The following PAPPA variants were observed in gnomAD, a reference collection of about 807,000 sequenced individuals.
PAPPA encodes pappalysin-1.
Under a neutral mutation model 164.0 loss-of-function variants are expected in PAPPA, and 60 were observed. That is an observed-to-expected ratio of 0.37 (90% CI 0.30 to 0.45). The LOEUF (loss-of-function observed/expected upper bound fraction) is 0.45. PAPPA is among the 20% of genes least tolerant of loss of function. The probability of loss-of-function intolerance (pLI) is 1.00; values close to 1 mark genes in which losing one functional copy is unlikely to be tolerated. For missense variants in PAPPA, 1,782 were observed against 2,087.3 expected (o/e 0.85, Z 2.85); for synonymous variants, 875 against 814.1 (o/e 1.07, Z -1.27).
chr9:116,235,283 C>T lies in PAPPA; in HGVS notation c.2378C>T (p.Pro793Leu), dbSNP rs201727333. The T allele has an allele frequency of 1.8e-5, 29 of 1,614,148 alleles. No homozygotes were observed. The Admixed American group carries it at 2.8e-4, about 16-fold the overall frequency. Residue 793 changes from proline (P) to leucine (L), a missense_variant, in exon 7 of 22, where the codon CCT becomes CTT. This residue lies in a region of PAPPA where 1,324 missense variants were observed against 1,656.9 expected (regional missense o/e 0.80). Transcript: ENST00000328252. ...LELEFLYPLV[P>L]ESLTIWVTFV... ...CTGGAGTTCCTCTACCCCTTGGTCC[C>T]TGAGTCTCTGACCATTTGGGTGACC...
chr9:116,187,850 C>G lies in PAPPA; in HGVS notation c.1112C>G (p.Thr371Arg). The G allele has an allele frequency of 6.2e-7, 1 of 1,614,200 alleles. No homozygotes were observed. The highest frequency in any genetic ancestry group is 1.1e-5 in the South Asian group (1 of 91,082). Residue 371 changes from threonine to arginine, a missense_variant, in exon 2 of 22, where the codon ACG (threonine) becomes AGG (arginine). Thr to Arg is a moderately conservative substitution (Grantham distance 71). This residue lies in a region of PAPPA where 1,324 missense variants were observed against 1,656.9 expected (regional missense o/e 0.80). Coordinates refer to ENST00000328252, the MANE Select transcript of PAPPA (RefSeq NM_002581.5). This position sits in a 1 kb window ranked among gnomAD's most constrained non-coding sequence, Gnocchi z 4.2. ...GATGATCATAAGAACCCGACGGTGA[C>G]GCGCGAGCAGGTGGACTTCCAGCAC... ...YEDDHKNPTV[T>R]REQVDFQHHQ...
chr9:116,259,138 A>C (rs574096415), intron 7 of PAPPA, among the ~76,000 whole-genome samples: 2 of 151,926 alleles, frequency 1.3e-5, no homozygotes, highest in Non-Finnish European at 2.9e-5. Context: ...CGTCTAAAAA[A>C]TAATAATAGT....
At chr9:116,266,807 G>A (rs1280099593) in intron 8 of PAPPA, among the ~76,000 whole-genome samples, 1 of 152,154 alleles carries the variant, frequency 6.6e-6, no homozygotes, top group Admixed American at 6.5e-5. Flanking sequence ...TCTAGAGGTG[G>A]AAAAGAGACC....
intron 7 of PAPPA, among the ~76,000 whole-genome samples, chr9:116,236,561 C>T (rs1403402697): frequency 6.9e-6 from 1 of 145,784 alleles, no homozygotes; most frequent in Non-Finnish European, 1.5e-5. Flanking sequence ...ACTCCAGCCT[C>T]GGCCACAAGA....
At position 116,398,602 on chromosome 9, in the gene PAPPA, A is replaced by G. The variant is rs977797478; in HGVS notation, c.*1986A>G. 1.7e-6 allele frequency: 2 copies of G among 1,204,398 alleles called. No homozygotes were observed. The highest frequency in any genetic ancestry group is 1.6e-5 in the African/African-American group (1 of 64,284). 74.6% of individuals were successfully genotyped at this position (1,204,398 alleles called of 1,614,324 possible). The stretch of plus-strand genomic sequence containing the variant: ...GACATCTATTGGCCATCTCTGGCCA[A>G]TTACACTAAGAAACATATCAAGGTG... On this transcript the variant is annotated 3_prime_UTR_variant, in exon 22 of 22. Coordinates refer to ENST00000328252, the MANE Select transcript of PAPPA (RefSeq NM_002581.5).
intron 14 of PAPPA, 132 bp from the exon 15 acceptor site, chr9:116,346,893 TA>T: frequency 1.7e-6 from 1 of 601,394 alleles, no homozygotes; most frequent in Non-Finnish European, 2.9e-6. Context: ...AAAAGTGAGC[TA>T]ACGTTAAACA....
chr9:116,280,892 G>A (rs1564208836), intron 9 of PAPPA, among the ~76,000 whole-genome samples: 1 of 152,168 alleles, frequency 6.6e-6, no homozygotes, highest in Non-Finnish European at 1.5e-5. Context: ...TTTACCATCT[G>A]GTCCTTTACT....
chr9:116,181,888 G>T (rs1391455436), intron 1 of PAPPA, among the ~76,000 whole-genome samples: 1 of 152,218 alleles, frequency 6.6e-6, no homozygotes, highest in Admixed American at 6.5e-5. Flanking sequence ...TAATTGTTTA[G>T]GTCCCTACAG....
At chr9:116,205,722 G>T (rs533948748) in intron 2 of PAPPA, among the ~76,000 whole-genome samples, 1 of 152,252 alleles carries the variant, frequency 6.6e-6, no homozygotes, top group African/African-American at 2.4e-5. Flanking sequence ...CTTTCTACAT[G>T]CCAGGCATTA....
intron 7 of PAPPA, among the ~76,000 whole-genome samples, chr9:116,251,337 G>C (rs1844857646): frequency 6.6e-6 from 1 of 152,198 alleles, no homozygotes; most frequent in Admixed American, 6.5e-5. Context: ...CCACTCCTGG[G>C]AAGGGTAAGG....
chr9:116,240,843 C>T (rs1211548657), intron 7 of PAPPA, among the ~76,000 whole-genome samples: 1 of 152,142 alleles, frequency 6.6e-6, no homozygotes, highest in African/African-American at 2.4e-5. Flanking sequence ...TTTGTTTATG[C>T]CTCTGTCTTC....
In PAPPA at chr9:116,396,578, C is replaced by G; in HGVS notation, c.4846C>G (p.His1616Asp). 1 of 780,884 alleles carries G rather than the reference C, an allele frequency of 1.3e-6. No individual in the cohort carries two copies. Among genetic ancestry groups the G allele is most frequent in the Non-Finnish European group, 2.4e-6 (1 of 418,002 alleles). The allele number at this position is 780,884 out of a possible 1,614,324, so 48.4% of individuals were successfully genotyped here. Residue 1616 changes from histidine (H) to aspartate (D), a missense_variant, in exon 22 of 22, where the codon CAC becomes GAC. Transcript: ENST00000328252. ...TTGTCGGGACCCCCAGGCCCAAGAA[C>G]ACAGCCGGAAAGACCTCCGGGGATA... Reference protein sequence around the residue: ...CACRDPQAQEHSRKDLRGYSH... With the variant: ...CACRDPQAQEDSRKDLRGYSH...
At chr9:116,297,780 A>T (rs1305468422) in intron 9 of PAPPA, among the ~76,000 whole-genome samples, 1 of 152,222 alleles carries the variant, frequency 6.6e-6, no homozygotes, top group East Asian at 1.9e-4. Flanking sequence ...AATTAAGAAG[A>T]CTTCTTCTCC....
At chr9:116,275,396 C>A (rs959951402) in intron 9 of PAPPA, among the ~76,000 whole-genome samples, 1 of 152,136 alleles carries the variant, frequency 6.6e-6, no homozygotes, top group Admixed American at 6.5e-5. Flanking sequence ...GTTCTTCATA[C>A]GCATCTTTGT....
rs150920034 is a variant in PAPPA at position 116,238,237 on chromosome 9, G to A, written c.2732+2600G>A. 7.2e-3 allele frequency among the ~76,000 whole-genome samples: 1,101 copies of A among 152,312 alleles called. 3 individuals are homozygous for A. The highest frequency in any genetic ancestry group is 0.012 in the Non-Finnish European group (803 of 68,032). On this transcript the variant is annotated intron_variant, in intron 7 of 21. Coordinates refer to ENST00000328252, the MANE Select transcript of PAPPA (RefSeq NM_002581.5). ...GTGCACTTAAACAAGTTCTCAAAGT[G>A]TGGCCCCAGACCAATGGCATCAGTA...
chr9:116,221,131 G>T (rs1844440932), intron 5 of PAPPA, among the ~76,000 whole-genome samples: 1 of 152,080 alleles, frequency 6.6e-6, no homozygotes, highest in Admixed American at 6.5e-5. Context: ...TGGGTCTAAT[G>T]ATACTACAGT....
intron 19 of PAPPA, among the ~76,000 whole-genome samples, chr9:116,375,192 T>C (rs1285208780): frequency 6.6e-6 from 1 of 152,220 alleles, no homozygotes; most frequent in African/African-American, 2.4e-5. Flanking sequence ...CAAATCAGAA[T>C]TGCAACCACA....
chr9:116,253,026 A>G (rs1371637769), intron 7 of PAPPA, among the ~76,000 whole-genome samples: 3 of 152,204 alleles, frequency 2.0e-5, no homozygotes, highest in African/African-American at 7.2e-5. Context: ...GGAAGGGCTA[A>G]TATTCTCTGT....
At chr9:116,171,977 G>A (rs570769338) in intron 1 of PAPPA, among the ~76,000 whole-genome samples, 3 of 152,268 alleles carry the variant, frequency 2.0e-5, no homozygotes, top group East Asian at 3.9e-4. Context: ...AGGTTTCATC[G>A]ACTGAGGAGC....
Sources: gnomAD v4.1 joint callset for allele counts (sites outside exome capture counted in the v4.1 genomes callset) on GRCh38, gnomAD v4.1.1 for gene constraint, gnomAD v4.1.1 regional missense constraint, Gnocchi (gnomAD v3.1) non-coding constraint, MANE v1.5 for transcripts, NCBI Gene and HGNC (gene_info 2026-07-23, HGNC 2026-07-21) for gene names.